PLCH2: variants seen among roughly 807,000 people sequenced by gnomAD.
PLCH2 encodes the protein phospholipase C eta 2.
A neutral mutation model predicts 134.7 loss-of-function variants in PLCH2; 98 were observed. That is an observed-to-expected ratio of 0.73 (90% CI 0.62 to 0.86). The LOEUF (loss-of-function observed/expected upper bound fraction) is 0.86, where lower values mean the gene tolerates loss of function less well. Among genes scored for constraint, PLCH2 ranks in the 40% least tolerant of loss-of-function variants. The probability of loss-of-function intolerance (pLI) is 0.00; values close to 1 mark genes in which losing one functional copy is unlikely to be tolerated. For missense variants in PLCH2, 1,994 were observed against 1,986.6 expected (o/e 1.00, Z -0.07); for synonymous variants, 974 against 827.5 (o/e 1.18, Z -3.04).
chr1:2,447,681 G>A (rs1640004849), intron 2 of PLCH2, among the ~76,000 whole-genome samples: 1 of 152,218 alleles, frequency 6.6e-6, no homozygotes, highest in African/African-American at 2.4e-5. Flanking sequence ...CTCAGGTTGG[G>A]CCCAGGGAGA....
intron 4 of PLCH2, among the ~76,000 whole-genome samples, chr1:2,483,707 T>C (rs1642097769): frequency 6.6e-6 from 1 of 151,974 alleles, no homozygotes; most frequent in Non-Finnish European, 1.5e-5. Flanking sequence ...CTGTAGCACC[T>C]TGGGTTTCTG....
chr1:2,481,580 C>T (rs575085492), intron 4 of PLCH2, among the ~76,000 whole-genome samples: 3 of 152,338 alleles, frequency 2.0e-5, no homozygotes, highest in East Asian at 1.9e-4. Context: ...CACGAGTGTG[C>T]GTGGTTTCTG....
upstream of PLCH2, among the ~76,000 whole-genome samples, chr1:2,473,154 C>T (rs548597672): frequency 1.2e-4 from 18 of 152,324 alleles, no homozygotes; most frequent in South Asian, 4.1e-4. Context: ...AGCTGCCACC[C>T]GCCCGGTTCC....
chr1:2,488,690 C>T (rs1642406483), intron 8 of PLCH2, among the ~76,000 whole-genome samples: 1 of 152,244 alleles, frequency 6.6e-6, no homozygotes, highest in African/African-American at 2.4e-5. Context: ...CCCCATTCTG[C>T]ACTGTGCAGG....
At chr1:2,493,157 CTGTT>C (rs1486127580) in intron 11 of PLCH2, 2 of 152,302 alleles carry the variant, frequency 1.3e-5, no homozygotes, top group African/African-American at 2.4e-5. Context: ...GCTGTCTCCT[CTGTT>C]TGGGAGTCCC....
upstream of PLCH2, among the ~76,000 whole-genome samples, chr1:2,425,247 A>G (rs1441258950): frequency 7.0e-6 from 1 of 143,492 alleles, no homozygotes; most frequent in African/African-American, 3.0e-5. Context: ...CACATATGTA[A>G]CACACACATA....
intron 20 of PLCH2, 111 bp from the exon 21 acceptor site, chr1:2,502,001 C>T (rs913568745): frequency 8.2e-5 from 84 of 1,025,940 alleles, no homozygotes; most frequent in Middle Eastern, 2.6e-4. Context: ...CCCCTCGGAC[C>T]GAGACACGCA....
At chr1:2,477,236 G>A (rs911645257) in intron 1 of PLCH2, among the ~76,000 whole-genome samples, 1 of 152,134 alleles carries the variant, frequency 6.6e-6, no homozygotes, top group African/African-American at 2.4e-5. Flanking sequence ...TCCTGTCCAG[G>A]CTGCCCTGTT....
At chr1:2,436,688 A>G (rs1401190461) in intron 2 of PLCH2, among the ~76,000 whole-genome samples, 1 of 152,096 alleles carries the variant, frequency 6.6e-6, no homozygotes, top group Non-Finnish European at 1.5e-5. Context: ...GTGGGTGGCT[A>G]TGCAGGCTGT....
At chr1:2,474,108 G>A (rs1344541915), upstream of PLCH2, among the ~76,000 whole-genome samples, 3 of 152,202 alleles carry the variant, frequency 2.0e-5, no homozygotes, top group Non-Finnish European at 2.9e-5. Flanking sequence ...GGGCCCGTCA[G>A]TGCAGGCTGT....
intron 8 of PLCH2, among the ~76,000 whole-genome samples, chr1:2,488,176 T>C (rs924786442): frequency 1.3e-5 from 2 of 152,232 alleles, no homozygotes; most frequent in African/African-American, 4.8e-5. Context: ...AAGGAGCTAA[T>C]TGCATGAAGG....
At chr1:2,433,385 T>G (rs1639163168) in intron 2 of PLCH2, among the ~76,000 whole-genome samples, 1 of 152,194 alleles carries the variant, frequency 6.6e-6, no homozygotes, top group Non-Finnish European at 1.5e-5. Flanking sequence ...GGCCGGGGGC[T>G]GCTGAGGCCC....
Position 2,505,072 on chromosome 1 carries a change from A to G in PLCH2, c.4110A>G (p.Gly1370=). 6.5e-7 allele frequency: 1 copy of G among 1,538,164 alleles called. No homozygotes were observed. Among genetic ancestry groups the G allele is most frequent in the Admixed American group, 1.9e-5 (1 of 51,292 alleles). ...GACTGCAGGGCCTGGGCCGGCAGGGACCCCCAGAAGAGGAGCGGGGCACCC... is the reference window on the plus strand; with the variant it reads ...GACTGCAGGGCCTGGGCCGGCAGGGGCCCCCAGAAGAGGAGCGGGGCACCC... ...QQRLQGLGRQ[G]PPEEERGTPE... The change falls in exon 22 of 22, where the codon GGA becomes GGG. Residue 1370 remains glycine (G), a synonymous_variant. Transcript: ENST00000378486.
the PLCH2 span, among the ~76,000 whole-genome samples, chr1:2,420,378 T>G: frequency 2.0e-5 from 3 of 152,056 alleles, no homozygotes; most frequent in Non-Finnish European, 2.9e-5. Flanking sequence ...GAGGTGGGTG[T>G]GGGGGCCTGT....
At chr1:2,422,597 G>A (rs1476573966), upstream of PLCH2, among the ~76,000 whole-genome samples, 6 of 152,194 alleles carry the variant, frequency 3.9e-5, no homozygotes, top group South Asian at 2.1e-4. Context: ...ATCTGAAACC[G>A]TGCCAATGGA....
chr1:2,475,836 G>C (rs1056875117), upstream of PLCH2, among the ~76,000 whole-genome samples: 1 of 152,122 alleles, frequency 6.6e-6, no homozygotes, highest in African/African-American at 2.4e-5. Context: ...GATCCGGCTC[G>C]GCTCCCCTCT....
intron 2 of PLCH2, among the ~76,000 whole-genome samples, chr1:2,441,595 G>T (rs981248579): frequency 5.3e-5 from 8 of 152,220 alleles, no homozygotes; most frequent in Non-Finnish European, 1.0e-4. Flanking sequence ...TTTCCTCCTG[G>T]GAAGGAGAGG....
chr1:2,433,180 C>T (rs746155224), intron 2 of PLCH2, among the ~76,000 whole-genome samples: 6 of 152,242 alleles, frequency 3.9e-5, no homozygotes, highest in Non-Finnish European at 7.3e-5. Context: ...CTTCCCCTTC[C>T]AGATTGGCTC....
At chr1:2,436,785 G>A (rs149246321) in intron 2 of PLCH2, among the ~76,000 whole-genome samples, 12 of 152,306 alleles carry the variant, frequency 7.9e-5, no homozygotes, top group East Asian at 5.8e-4. Context: ...CAGCCTTGTC[G>A]TGGGCACTGT....
Sources: allele counts gnomAD v4.1 joint callset (sites outside exome capture counted in the v4.1 genomes callset), GRCh38; gene constraint gnomAD v4.1.1; transcripts MANE v1.5; gene names NCBI Gene and HGNC (gene_info 2026-07-23, HGNC 2026-07-21).